USP24: variants seen among roughly 807,000 people sequenced by gnomAD.
The protein encoded by USP24 is ubiquitin specific peptidase 24.
USP24 carries 97 observed loss-of-function variants against 361.6 expected under a neutral mutation model. The observed-to-expected ratio is 0.27, with a 90% CI of 0.23 to 0.32. USP24 has a LOEUF of 0.32. Ranked by LOEUF, USP24 falls within the 10% of genes least tolerant of loss-of-function variation. USP24 has a pLI of 1.00. For missense variants in USP24, 2,353 were observed against 3,165.6 expected (o/e 0.74, Z 6.16); for synonymous variants, 1,098 against 1,124.6 (o/e 0.98, Z 0.47).
intron 28 of USP24, among the ~76,000 whole-genome samples, chr1:55,134,972 C>T (rs1022476314): frequency 3.9e-5 from 6 of 151,956 alleles, no homozygotes; most frequent in East Asian, 1.9e-4. Flanking sequence ...AATAAGAAAT[C>T]GGACATCATT....
At chr1:55,088,935 G>A (rs367872536) in intron 55 of USP24, among the ~76,000 whole-genome samples, 55 of 149,402 alleles carry the variant, frequency 3.7e-4, no homozygotes, top group South Asian at 1.1e-3. Flanking sequence ...TTTTTTTTGA[G>A]TGGAGTCTCG....
chr1:55,151,458 C>T (rs1647188958), intron 16 of USP24, among the ~76,000 whole-genome samples: 1 of 152,114 alleles, frequency 6.6e-6, no homozygotes, highest in African/African-American at 2.4e-5. Flanking sequence ...TTGGTGTCCT[C>T]ATAGGGTGAA....
At position 55,074,645 on chromosome 1, in the gene USP24, A is replaced by AATAAATAC. The variant is rs1305081708; in HGVS notation, c.7448-740_7448-739insGTATTTAT. On this transcript the variant is annotated intron_variant, in intron 63 of 67. Transcript: ENST00000294383. Reference sequence around the variant, plus strand: ...TGAGACCCTGTCTCAAAAATAAATAAATAAATAAATAAATAAATAAATAAA... The same window carrying AATAAATAC: ...TGAGACCCTGTCTCAAAAATAAATAAATAAATACATAAATAAATAAATAAATAAATAAA... Among the ~76,000 whole-genome samples the AATAAATAC allele has an allele frequency of 5.7e-3, 798 of 138,914 alleles. 6 individuals carry two copies. Among genetic ancestry groups the AATAAATAC allele is most frequent in the African/African-American group, 0.018 (697 of 38,330 alleles). 91.1% of individuals were successfully genotyped at this position (138,914 alleles called of 152,430 possible). A position where few individuals can be genotyped will look rare whatever the true frequency, so the allele number is the denominator to read the frequency against.
intron 3 of USP24, among the ~76,000 whole-genome samples, chr1:55,175,725 G>C (rs1386377377): frequency 6.6e-6 from 1 of 152,178 alleles, no homozygotes; most frequent in Admixed American, 6.5e-5. Context: ...AACAGACACA[G>C]TCCTTGCTCT....
intron 1 of USP24, 32 bp from the exon 2 acceptor site, chr1:55,178,164 TA>T (rs11350615): frequency 0.85 from 1,321,924 of 1,549,180 alleles, 564,884 homozygotes; most frequent in East Asian, 0.99. Context: ...AAAAAGCAAA[TA>T]AAACTAATTA....
intron 1 of USP24, among the ~76,000 whole-genome samples, chr1:55,201,892 C>T (rs1644585232): frequency 6.6e-6 from 1 of 152,118 alleles, no homozygotes; most frequent in Non-Finnish European, 1.5e-5. Context: ...TGTTCCTACC[C>T]TATCTCTGCC....
At chr1:55,069,379 A>G (rs1039299544) in intron 67 of USP24, among the ~76,000 whole-genome samples, 5 of 152,278 alleles carry the variant, frequency 3.3e-5, no homozygotes, top group Non-Finnish European at 5.9e-5. Flanking sequence ...GAGAACGCAG[A>G]GCAGTGATAA....
At chr1:55,186,157 A>T (rs1644124536) in intron 1 of USP24, among the ~76,000 whole-genome samples, 1 of 152,222 alleles carries the variant, frequency 6.6e-6, no homozygotes, top group African/African-American at 2.4e-5. Context: ...TCTTCCAAAA[A>T]ATAGAAAAGC....
intron 34 of USP24, 132 bp from the exon 35 acceptor site, chr1:55,124,760 T>C (rs1312629642): frequency 4.3e-6 from 4 of 938,460 alleles, no homozygotes; most frequent in Non-Finnish European, 6.3e-6. Flanking sequence ...ATGGCCTTTC[T>C]CAAGCTGCCA....
At chr1:55,106,378 G>A in intron 40 of USP24, 115 bp from the exon 41 acceptor site, 1 of 731,502 alleles carries the variant, frequency 1.4e-6, no homozygotes. Flanking sequence ...CAATAGCAGA[G>A]CATTTAGTTT....
chr1:55,098,363 G>A (rs2100497692), intron 46 of USP24, 113 bp downstream of exon 46: 1 of 994,704 alleles, frequency 1.0e-6, no homozygotes, highest in Non-Finnish European at 1.5e-6. Flanking sequence ...TTATAGATCT[G>A]TTGACAGGGA....
At chr1:55,096,049 G>C (rs1187823734) in intron 50 of USP24, among the ~76,000 whole-genome samples, 1 of 152,170 alleles carries the variant, frequency 6.6e-6, no homozygotes, top group Non-Finnish European at 1.5e-5. Flanking sequence ...GGATTGTAGA[G>C]GGAAAGACTG....
In USP24 at chr1:55,123,581, C is replaced by G. The variant is rs1399493342; in HGVS notation, c.4142G>C (p.Ser1381Thr). Residue 1381 changes from serine to threonine, a missense_variant, in exon 36 of 68, where the codon AGT (serine) becomes ACT (threonine). Coordinates refer to ENST00000294383, the MANE Select transcript of USP24 (RefSeq NM_015306.3). The part of the protein sequence containing the change: ...SSSGSNCSSG[S>T]EGEPVALHAG... ...ATGCAGGGCTACTGGTTCTCCTTCA[C>G]TTCCAGAGCTGCAATTGCTTCCTGA... is the stretch of plus-strand genomic sequence containing the variant. 3 of 1,595,800 alleles carry G rather than the reference C, an allele frequency of 1.9e-6. No homozygotes were observed. In the African/African-American group the frequency reaches 4.0e-5, roughly 21 times the overall value.
intron 12 of USP24, among the ~76,000 whole-genome samples, 188 bp from the exon 13 acceptor site, chr1:55,154,966 G>A (rs1490993114): frequency 6.6e-6 from 1 of 151,734 alleles, no homozygotes; most frequent in Non-Finnish European, 1.5e-5. Context: ...GTTATCAGCT[G>A]GCCTTATTTA....
chr1:55,150,496 G>T lies in USP24; in HGVS notation c.1861-1926C>A, dbSNP rs149114324. On this transcript the variant is annotated intron_variant, in intron 16 of 67. Transcript: ENST00000294383. The stretch of plus-strand genomic sequence containing the variant: ...ACACTATAAAAGTTGCAAAATGACA[G>T]TAATAAAAACTGTAAGGTTTATATC... Among the ~76,000 whole-genome samples, 579 of 152,224 alleles carry T rather than the reference G, an allele frequency of 3.8e-3. 5 individuals carry two copies. The highest frequency in any genetic ancestry group is 0.013 in the African/African-American group (542 of 41,562).
At chr1:55,202,325 A>T (rs1036857459) in intron 1 of USP24, among the ~76,000 whole-genome samples, 3 of 152,150 alleles carry the variant, frequency 2.0e-5, no homozygotes, top group African/African-American at 7.2e-5. Flanking sequence ...TATTTTAAGA[A>T]ACTAAACAAT....
chr1:55,212,887 C>G (rs970929539), intron 1 of USP24, among the ~76,000 whole-genome samples: 1 of 152,118 alleles, frequency 6.6e-6, no homozygotes, highest in Non-Finnish European at 1.5e-5. Context: ...TTTAATTTAC[C>G]GCAAACCAAA....
intron 23 of USP24, among the ~76,000 whole-genome samples, 192 bp from the exon 24 acceptor site, chr1:55,141,923 C>T (rs897207524): frequency 2.0e-5 from 3 of 152,130 alleles, no homozygotes; most frequent in African/African-American, 7.2e-5. Context: ...AAAATGCCTC[C>T]AGATATTACC....
At chr1:55,176,743 A>G (rs955539731) in intron 2 of USP24, among the ~76,000 whole-genome samples, 1 of 152,220 alleles carries the variant, frequency 6.6e-6, no homozygotes, top group Non-Finnish European at 1.5e-5. Context: ...GAGTAACTTC[A>G]ATGATCTGAT....
Sources: allele counts gnomAD v4.1 joint callset (sites outside exome capture counted in the v4.1 genomes callset), GRCh38; gene constraint gnomAD v4.1.1; transcripts MANE v1.5; gene names NCBI Gene and HGNC (gene_info 2026-07-23, HGNC 2026-07-21).